The following CALN1 variants were observed in gnomAD, a reference collection of about 807,000 sequenced individuals.
CALN1 encodes calcium-binding protein 8.
CALN1 carries 17 observed loss-of-function variants against 30.6 expected under a neutral mutation model. The observed-to-expected ratio is 0.56, with a 90% CI of 0.38 to 0.83. The LOEUF (loss-of-function observed/expected upper bound fraction) is 0.83, where lower values mean the gene tolerates loss of function less well. Ranked by LOEUF, CALN1 falls within the 40% of genes least tolerant of loss-of-function variation. CALN1 has a pLI of 0.00. For synonymous variants in CALN1, 156 were observed against 131.4 expected (o/e 1.19, Z -1.28); for missense variants, 291 against 354.9 (o/e 0.82, Z 1.45).
At chr7:72,346,464 C>T (rs1030142023) in intron 2 of CALN1, among the ~76,000 whole-genome samples, 6 of 152,132 alleles carry the variant, frequency 3.9e-5, no homozygotes, top group Non-Finnish European at 8.8e-5. Flanking sequence ...ACATTCTGTC[C>T]TGATTCTCCC....
At chr7:72,098,714 A>AAAAAT (rs766064277) in intron 4 of CALN1, among the ~76,000 whole-genome samples, 20 of 151,726 alleles carry the variant, frequency 1.3e-4, no homozygotes, top group African/African-American at 4.4e-4. Context: ...TGCCTCTATA[A>AAAAAT]AAAATAAAAT....
chr7:72,392,417 C>T (rs1347669390), intron 2 of CALN1, among the ~76,000 whole-genome samples: 1 of 152,148 alleles, frequency 6.6e-6, no homozygotes, highest in Admixed American at 6.5e-5. Context: ...CAGGAAGAGG[C>T]TCCTGTACGG....
chr7:72,028,853 T>C (rs1801258670), intron 4 of CALN1, among the ~76,000 whole-genome samples: 1 of 152,020 alleles, frequency 6.6e-6, no homozygotes, highest in Admixed American at 6.6e-5. Flanking sequence ...TAGCTGGGTG[T>C]GGTGGTACAA....
At chr7:72,287,884 T>G (rs1394433285) in intron 2 of CALN1, among the ~76,000 whole-genome samples, 1 of 152,200 alleles carries the variant, frequency 6.6e-6, no homozygotes, top group East Asian at 1.9e-4. Context: ...CATATCTAGA[T>G]AAAATACTAC....
At chr7:72,501,245 AGAG>A in the CALN1 span, among the ~76,000 whole-genome samples, 1 of 151,686 alleles carries the variant, frequency 6.6e-6, no homozygotes, top group Non-Finnish European at 1.5e-5. Context: ...AGAAAACCAC[AGAG>A]GAGTCCAGGT....
chr7:72,487,894 G>GAAAGAA, the CALN1 span, among the ~76,000 whole-genome samples: 1 of 55,724 alleles, frequency 1.8e-5, no homozygotes, highest in African/African-American at 8.6e-5. Context: ...GAAAAGAAAA[G>GAAAGAA]AAAGAAAGAA....
At chr7:71,794,433 T>C (rs906636036) in intron 6 of CALN1, among the ~76,000 whole-genome samples, 6 of 152,230 alleles carry the variant, frequency 3.9e-5, no homozygotes, top group East Asian at 1.9e-4. Context: ...AAGTCTATAA[T>C]AGAAGACTAT....
At chr7:72,340,616 G>T (rs532260562) in intron 2 of CALN1, among the ~76,000 whole-genome samples, 36 of 152,298 alleles carry the variant, frequency 2.4e-4, no homozygotes, top group Non-Finnish European at 2.9e-5. Flanking sequence ...ACTGCACTGG[G>T]TGAGCAGCCC....
At chr7:72,400,472 C>A (rs1209955511) in intron 2 of CALN1, among the ~76,000 whole-genome samples, 1 of 152,196 alleles carries the variant, frequency 6.6e-6, no homozygotes, top group Non-Finnish European at 1.5e-5. Context: ...TTTGAACCGG[C>A]CATTGCTTGG....
chr7:72,017,282 C>T (rs915034999), intron 5 of CALN1, among the ~76,000 whole-genome samples: 5 of 151,656 alleles, frequency 3.3e-5, no homozygotes, highest in Admixed American at 2.0e-4. Flanking sequence ...AAAGCCTTTC[C>T]GGAAAGGTTT....
Position 72,074,180 on chromosome 7 carries a change from G to T in CALN1, c.388+31971C>A, listed in dbSNP as rs181025039. 2.3e-3 allele frequency among the ~76,000 whole-genome samples: 352 copies of T among 152,286 alleles called. 3 individuals are homozygous for T. Among genetic ancestry groups the T allele is most frequent in the Middle Eastern group, 0.017 (5 of 294 alleles). On this transcript the variant is annotated intron_variant, in intron 4 of 6. Transcript: ENST00000395275. ...AGACAGTCAAAACCAGCCTTCGGTT[G>T]ATTAATTGAGAAAGCGAACCAGTGA...
chr7:72,336,650 G>A (rs891138881), intron 2 of CALN1: 20 of 975,046 alleles, frequency 2.1e-5, no homozygotes, highest in South Asian at 1.4e-4. Flanking sequence ...ACCGAGGGAA[G>A]AAGAAAAGAG....
chr7:71,925,006 C>T (rs1795187391), intron 5 of CALN1, among the ~76,000 whole-genome samples: 2 of 152,118 alleles, frequency 1.3e-5, no homozygotes, highest in Non-Finnish European at 2.9e-5. Flanking sequence ...TTTGGGAGGC[C>T]GAGGTGGGCA....
Position 71,813,863 on chromosome 7 carries a change from G to A in CALN1, c.502-3371C>T, listed in dbSNP as rs530320627. On this transcript the variant is annotated intron_variant, in intron 5 of 6. Transcript: ENST00000395275. ...GGAGAATGGTGTGAACACGGGAGGCGGAGCTTGCAGTGAGCCGACATTGTG... is the reference window on the plus strand; with the variant it reads ...GGAGAATGGTGTGAACACGGGAGGCAGAGCTTGCAGTGAGCCGACATTGTG... Among the ~76,000 whole-genome samples the A allele has an allele frequency of 9.4e-4, 142 of 150,822 alleles. 1 individual carries two copies. Among genetic ancestry groups the A allele is most frequent in the Admixed American group, 3.8e-3 (57 of 15,090 alleles).
At chr7:72,209,390 TTCCTTCCCTCTTTCCTTCCC>T (rs1400786479) in intron 3 of CALN1, among the ~76,000 whole-genome samples, 3 of 4,482 alleles carry the variant, frequency 6.7e-4, no homozygotes, top group African/African-American at 2.3e-3. Flanking sequence ...CCTTCCCTCT[TTCCTTCCCTCTTTCCTTCCC>T]TCCTTCCCTC....
At chr7:72,099,279 T>C (rs1488704040) in intron 4 of CALN1, among the ~76,000 whole-genome samples, 11 of 149,948 alleles carry the variant, frequency 7.3e-5, no homozygotes. Flanking sequence ...ACTCCTTTTT[T>C]TTTTTTTTTT....
chr7:71,873,342 T>C (rs1792058208), intron 5 of CALN1, among the ~76,000 whole-genome samples: 1 of 152,102 alleles, frequency 6.6e-6, no homozygotes, highest in Admixed American at 6.5e-5. Context: ...TCATGGTCTG[T>C]TCAGAGAGAC....
intron 2 of CALN1, among the ~76,000 whole-genome samples, chr7:72,371,974 A>C (rs764296225): frequency 6.6e-6 from 1 of 152,174 alleles, no homozygotes; most frequent in Non-Finnish European, 1.5e-5. Context: ...CTAAACAACC[A>C]AACTGGTACT....
At chr7:71,847,805 AAGAAGG>A (rs759149826) in intron 5 of CALN1, among the ~76,000 whole-genome samples, 21,500 of 124,410 alleles carry the variant, frequency 0.17, 2,184 homozygotes, top group Non-Finnish European at 0.23. Flanking sequence ...AAAAGAAGAA[AAGAAGG>A]AGAAGGAGAA....
Sources: gnomAD v4.1 joint callset for allele counts (sites outside exome capture counted in the v4.1 genomes callset) on GRCh38, gnomAD v4.1.1 for gene constraint, MANE v1.5 for transcripts, NCBI Gene and HGNC (gene_info 2026-07-23, HGNC 2026-07-21) for gene names.